The following RARS2 variants were observed in gnomAD, a reference collection of about 807,000 sequenced individuals.
RARS2 encodes arginyl-tRNA synthetase 2, mitochondrial, also known as probable arginine--tRNA ligase, mitochondrial.
A neutral mutation model predicts 88.5 loss-of-function variants in RARS2; 67 were observed. That is an observed-to-expected ratio of 0.76 (90% CI 0.62 to 0.93). The LOEUF (loss-of-function observed/expected upper bound fraction) is 0.93, where lower values mean the gene tolerates loss of function less well. Ranked by LOEUF, RARS2 falls within the 40% of genes least tolerant of loss-of-function variation. The pLI is 0.00. For missense variants in RARS2, 664 were observed against 684.2 expected (o/e 0.97, Z 0.33); for synonymous variants, 239 against 230.3 (o/e 1.04, Z -0.34).
At position 87,518,188 on chromosome 6, in the gene RARS2, T is replaced by C. The variant is rs200632524; in HGVS notation, c.1492A>G (p.Ile498Val). The change falls in exon 17 of 20, where the codon ATT becomes GTT. Residue 498 changes from isoleucine (I) to valine (V), a missense_variant. Ile to Val is a conservative substitution (Grantham distance 29). Transcript: ENST00000369536. ...TCATACCTGAGAAGATGCTGAAGAA[T>C]TGAAACAGACTGTGGCTCTTGTAAA... ...ACLQEPQSVS[I>V]LQHLLRFDEV... The C allele has an allele frequency of 1.8e-4, 297 of 1,614,158 alleles. No individual in the cohort carries two copies. The highest frequency in any genetic ancestry group is 2.3e-4 in the Non-Finnish European group (271 of 1,180,018).
Position 87,520,186 on chromosome 6 carries a change from G to T in RARS2, c.1106C>A (p.Ala369Glu), listed in dbSNP as rs959875188. ...AGAACCATGCAGACATTACCTTTCT[G>T]CCCAGTCATATCCCATGATCTTCAG... ...QMLKIMGYDW[A>E]ERCQHVPFGV... Residue 369 changes from alanine (A) to glutamate (E), a missense_variant, in exon 13 of 20, where the codon GCA becomes GAA. Transcript: ENST00000369536. The T allele has an allele frequency of 3.7e-6, 6 of 1,612,546 alleles. No homozygotes were observed. In the Admixed American group the frequency reaches 1.0e-4, roughly 27 times the overall value.
intron 1 of RARS2, among the ~76,000 whole-genome samples, chr6:87,581,111 A>C (rs546642805): frequency 6.6e-6 from 1 of 152,342 alleles, no homozygotes; most frequent in African/African-American, 2.4e-5. Flanking sequence ...AACTGAGCAC[A>C]AAGTCAAAAA....
intron 8 of RARS2, among the ~76,000 whole-genome samples, chr6:87,535,298 T>C (rs1778779052): frequency 6.6e-6 from 1 of 152,218 alleles, no homozygotes; most frequent in African/African-American, 2.4e-5. Context: ...CTTGAATTAT[T>C]TACTTAAAGT....
intron 13 of RARS2, 36 bp downstream of exon 13, chr6:87,520,144 C>T (rs750535664): frequency 1.9e-6 from 3 of 1,540,614 alleles, no homozygotes; most frequent in Middle Eastern, 3.4e-4. Context: ...GCTCAGCTGA[C>T]CCTGCACAGA....
At chr6:87,585,583 T>G (rs1774896140) in intron 1 of RARS2, among the ~76,000 whole-genome samples, 1 of 151,812 alleles carries the variant, frequency 6.6e-6, no homozygotes, top group Admixed American at 6.6e-5. Flanking sequence ...ACAAAAAAAT[T>G]TAGCCGGGTG....
chr6:87,547,903 G>A (rs1783068519), intron 6 of RARS2, among the ~76,000 whole-genome samples: 1 of 152,130 alleles, frequency 6.6e-6, no homozygotes, highest in African/African-American at 2.4e-5. Context: ...GCCTCCCAAA[G>A]TGCTAGGATT....
At position 87,516,823 on chromosome 6, in the gene RARS2, A is replaced by G. The variant is rs766645017; in HGVS notation, c.1569T>C (p.Ser523=). Residue 523 remains serine (S), a synonymous_variant, in exon 18 of 20, where the codon AGT becomes AGC. Coordinates refer to ENST00000369536, the MANE Select transcript of RARS2 (RefSeq NM_020320.5). The part of the protein sequence containing the change: ...SQDFQPRHIV[S]YLLTLSHLAA... ...TAAAGTACCTTAAAGTTAGAAGGTA[A>G]CTGACGATATGCCTGGGTTGAAAGT... 2 of 1,613,862 alleles carry G rather than the reference A, an allele frequency of 1.2e-6. No homozygotes were observed. Among genetic ancestry groups the G allele is most frequent in the Admixed American group, 1.7e-5 (1 of 60,026 alleles).
intron 8 of RARS2, among the ~76,000 whole-genome samples, chr6:87,539,464 A>G (rs1195807879): frequency 6.6e-6 from 1 of 152,266 alleles, no homozygotes; most frequent in African/African-American, 2.4e-5. Context: ...TGGCATGCTT[A>G]CATTGGTCCA....
intron 1 of RARS2, 135 bp downstream of exon 1, chr6:87,589,787 G>C: frequency 6.3e-7 from 1 of 1,594,976 alleles, no homozygotes; most frequent in Non-Finnish European, 8.5e-7. Flanking sequence ...CCAGAGAAGG[G>C]GGAGGAGGTG....
chr6:87,571,680 T>G (rs373601635), intron 1 of RARS2, among the ~76,000 whole-genome samples: 24 of 152,328 alleles, frequency 1.6e-4, no homozygotes, highest in African/African-American at 5.8e-4. Context: ...TTGTGACTGT[T>G]CAGGAGAGCA....
In RARS2 at chr6:87,518,221, T is replaced by C. The variant is rs1401843358; in HGVS notation, c.1459A>G (p.Thr487Ala). 6.2e-7 allele frequency: 1 copy of C among 1,614,140 alleles called. No homozygotes were observed. Among genetic ancestry groups the C allele is most frequent in the African/African-American group, 1.3e-5 (1 of 75,040 alleles). The change falls in exon 17 of 20, where the codon ACT (threonine) becomes GCT (alanine). Residue 487 changes from threonine (T) to alanine (A), a missense_variant. Coordinates refer to ENST00000369536, the MANE Select transcript of RARS2 (RefSeq NM_020320.5). ...GACTGTGGCTCTTGTAAACAAGCAGTGTTGAAGTCATTCAGGTACCCACAT... is the reference window on the plus strand; with the variant it reads ...GACTGTGGCTCTTGTAAACAAGCAGCGTTGAAGTCATTCAGGTACCCACAT... ...FGCGYLNDFN[T>A]ACLQEPQSVS...
At chr6:87,553,325 C>G (rs1784903511) in intron 5 of RARS2, among the ~76,000 whole-genome samples, 1 of 152,100 alleles carries the variant, frequency 6.6e-6, no homozygotes, top group East Asian at 1.9e-4. Context: ...AGTAGAAGAA[C>G]CACTGGCCTG....
intron 16 of RARS2, 125 bp from the exon 17 acceptor site, chr6:87,518,389 G>A: frequency 6.5e-7 from 1 of 1,543,838 alleles, no homozygotes. Flanking sequence ...CATACACAGT[G>A]GAGGTAACAG....
At chr6:87,562,809 G>A in intron 3 of RARS2, 24 bp from the exon 4 acceptor site, 1 of 1,573,900 alleles carries the variant, frequency 6.4e-7, no homozygotes, top group Non-Finnish European at 8.7e-7. Flanking sequence ...ATCACACAAA[G>A]TAGGTATGTT....
At position 87,514,575 on chromosome 6, in the gene RARS2, G is replaced by A. The variant is rs538434288; in HGVS notation, c.1651-76C>T. 222 of 1,272,770 alleles carry A rather than the reference G, an allele frequency of 1.7e-4. 3 individuals are homozygous for A. In the South Asian group the frequency reaches 2.5e-3, roughly 14 times the overall value. 78.8% of individuals were successfully genotyped at this position (1,272,770 alleles called of 1,614,324 possible). On this transcript the variant is annotated intron_variant, in intron 19 of 19. Transcript: ENST00000369536. Reference sequence around the variant, plus strand: ...TTCAATACATGAGAATGGTTTTAAAGGTTATTCTTTCTAGTTTAAAGCAGG... The same window carrying A: ...TTCAATACATGAGAATGGTTTTAAAAGTTATTCTTTCTAGTTTAAAGCAGG...
rs774777046 is a variant in RARS2 at position 87,519,572 on chromosome 6, A to G, written c.1237+11T>C. 6.2e-7 allele frequency: 1 copy of G among 1,609,708 alleles called. No individual in the cohort carries two copies. Among genetic ancestry groups the G allele is most frequent in the East Asian group, 2.2e-5 (1 of 44,826 alleles). The stretch of plus-strand genomic sequence containing the variant: ...TAAGTTATGACTTTAATAAGAAAAA[A>G]CTGAATTCACTCTTAATTGAAGCCA... On this transcript the variant is annotated intron_variant, in intron 14 of 19. Transcript: ENST00000369536.
intron 7 of RARS2, 117 bp downstream of exon 7, chr6:87,545,499 A>T: frequency 7.4e-7 from 1 of 1,346,338 alleles, no homozygotes; most frequent in Non-Finnish European, 1.0e-6. Flanking sequence ...AAAAAAAAAA[A>T]ATAGGTAGGA....
chr6:87,561,987 CAAGGTCT>C (rs1194347024), intron 4 of RARS2, among the ~76,000 whole-genome samples: 7 of 152,130 alleles, frequency 4.6e-5, no homozygotes, highest in Non-Finnish European at 1.0e-4. Flanking sequence ...TATTTTGAGA[CAAGGTCT>C]CGCTCTGTCA....
chr6:87,552,188 T>A (rs1784548100), intron 5 of RARS2, among the ~76,000 whole-genome samples: 1 of 152,178 alleles, frequency 6.6e-6, no homozygotes, highest in African/African-American at 2.4e-5. Context: ...GGGAGAAAGT[T>A]TCTTGAGCAC....
Sources: allele counts gnomAD v4.1 joint callset (sites outside exome capture counted in the v4.1 genomes callset), GRCh38; gene constraint gnomAD v4.1.1; transcripts MANE v1.5; gene names NCBI Gene and HGNC (gene_info 2026-07-23, HGNC 2026-07-21).